EXOC4: variants seen among roughly 807,000 people sequenced by gnomAD.
EXOC4 encodes exocyst complex component 4.
Under a neutral mutation model 107.2 loss-of-function variants are expected in EXOC4, and 71 were observed. That is an observed-to-expected ratio of 0.66 (90% CI 0.55 to 0.81). The LOEUF (loss-of-function observed/expected upper bound fraction) is 0.81. Among genes scored for constraint, EXOC4 ranks in the 30% least tolerant of loss-of-function variants. The pLI, the probability that EXOC4 is intolerant of heterozygous loss-of-function variation, is 0.00. For missense variants in EXOC4, 1,108 were observed against 1,189.6 expected (o/e 0.93, Z 1.01); for synonymous variants, 456 against 441.2 (o/e 1.03, Z -0.42).
intron 9 of EXOC4, among the ~76,000 whole-genome samples, chr7:133,604,899 A>G (rs545604090): frequency 9.7e-4 from 144 of 148,866 alleles, no homozygotes; most frequent in Non-Finnish European, 1.6e-3. Flanking sequence ...AATATTTTTT[A>G]TTTTTCGTGG....
intron 11 of EXOC4, among the ~76,000 whole-genome samples, chr7:133,825,507 C>T (rs995768408): frequency 1.3e-5 from 2 of 152,182 alleles, no homozygotes; most frequent in African/African-American, 4.8e-5. Flanking sequence ...AGTTGGTGGA[C>T]ACAGCTACTT....
intron 14 of EXOC4, among the ~76,000 whole-genome samples, chr7:133,968,306 G>A (rs935736036): frequency 6.6e-6 from 1 of 152,176 alleles, no homozygotes; most frequent in Admixed American, 6.5e-5. Context: ...TTGCCAGTCT[G>A]TGTCTTTTAA....
intron 10 of EXOC4, among the ~76,000 whole-genome samples, chr7:133,736,520 TA>T (rs1320485493): frequency 6.6e-6 from 1 of 152,218 alleles, no homozygotes; most frequent in African/African-American, 2.4e-5. Flanking sequence ...ATCAGTATAA[TA>T]CCTCCTAAAG....
intron 11 of EXOC4, among the ~76,000 whole-genome samples, chr7:133,850,699 C>T (rs928415975): frequency 6.9e-4 from 105 of 151,246 alleles, no homozygotes; most frequent in Admixed American, 6.6e-3. Flanking sequence ...GATGGTCATC[C>T]GGCCTCTGCT....
At chr7:134,022,111 T>G (rs1795043691) in intron 17 of EXOC4, among the ~76,000 whole-genome samples, 2 of 147,914 alleles carry the variant, frequency 1.4e-5, no homozygotes, top group Admixed American at 1.3e-4. Context: ...GTGAAAAACA[T>G]AAAGTAATTA....
chr7:133,627,722 A>C (rs1802490870), intron 9 of EXOC4, among the ~76,000 whole-genome samples: 1 of 152,220 alleles, frequency 6.6e-6, no homozygotes, highest in South Asian at 2.1e-4. Context: ...TTAACTCAGC[A>C]AAACTTAGCA....
At chr7:133,806,354 G>A (rs956166585) in intron 10 of EXOC4, among the ~76,000 whole-genome samples, 1 of 152,156 alleles carries the variant, frequency 6.6e-6, no homozygotes, top group Non-Finnish European at 1.5e-5. Flanking sequence ...GAGTGCAGCA[G>A]CGAAGAGCTC....
chr7:134,096,037 G>GA, the EXOC4 span, among the ~76,000 whole-genome samples: 3,392 of 152,270 alleles, frequency 0.022, 117 homozygotes, highest in African/African-American at 0.071. Flanking sequence ...CAGAATGGGA[G>GA]AAAATATTTG....
chr7:133,805,683 G>T (rs1797058768), intron 10 of EXOC4, among the ~76,000 whole-genome samples: 1 of 152,162 alleles, frequency 6.6e-6, no homozygotes, highest in Non-Finnish European at 1.5e-5. Context: ...GAGATAGGGG[G>T]ACAGTGTTCT....
At chr7:133,274,910 T>G (rs1425845047) in intron 1 of EXOC4, 72 bp from the exon 2 acceptor site, 1 of 1,250,348 alleles carries the variant, frequency 8.0e-7, no homozygotes, top group African/African-American at 1.5e-5. Context: ...GCATTTTACT[T>G]TCTGCTTCAC....
chr7:133,680,542 G>A (rs1449422336), intron 10 of EXOC4, among the ~76,000 whole-genome samples: 1 of 152,090 alleles, frequency 6.6e-6, no homozygotes, highest in Non-Finnish European at 1.5e-5. Context: ...CAGAGTCTCA[G>A]GAATACTGAC....
At position 133,599,606 on chromosome 7, in the gene EXOC4, C is replaced by T. The variant is rs111992561; in HGVS notation, c.1418-30439C>T. ...ACAGTTACCAAATTAGCCTTTCAGA[C>T]AATAATTTCCATAGCTAGATGGACC... On this transcript the variant is annotated intron_variant, in intron 9 of 17. Transcript: ENST00000253861. 1.6e-3 allele frequency among the ~76,000 whole-genome samples: 247 copies of T among 152,268 alleles called. 1 individual carries two copies. The highest frequency in any genetic ancestry group is 5.8e-3 in the African/African-American group (241 of 41,554).
intron 9 of EXOC4, among the ~76,000 whole-genome samples, chr7:133,553,071 A>G (rs1800622380): frequency 6.6e-6 from 1 of 152,164 alleles, no homozygotes; most frequent in Non-Finnish European, 1.5e-5. Flanking sequence ...GACACTGGGC[A>G]ACTTACAATA....
At chr7:133,547,178 T>A (rs1197867799) in intron 9 of EXOC4, among the ~76,000 whole-genome samples, 2 of 152,206 alleles carry the variant, frequency 1.3e-5, no homozygotes, top group Non-Finnish European at 2.9e-5. Context: ...GCAAGCCACA[T>A]GAATTTTTTA....
chr7:133,898,573 G>A (rs1374628336), intron 12 of EXOC4, among the ~76,000 whole-genome samples: 5 of 151,776 alleles, frequency 3.3e-5, no homozygotes, highest in East Asian at 1.9e-4. Flanking sequence ...GTGAAACCCC[G>A]TCTCTACTAA....
chr7:133,517,303 G>A (rs182375816), intron 9 of EXOC4, among the ~76,000 whole-genome samples: 81 of 152,166 alleles, frequency 5.3e-4, no homozygotes, highest in African/African-American at 1.9e-3. Flanking sequence ...TCAAGGAAAA[G>A]GTAGTACCTG....
chr7:133,530,178 T>C (rs1261783325), intron 9 of EXOC4, among the ~76,000 whole-genome samples: 1 of 152,190 alleles, frequency 6.6e-6, no homozygotes, highest in Non-Finnish European at 1.5e-5. Context: ...GTGGAAGTCG[T>C]GTGACATAGT....
chr7:133,280,655 T>C (rs1349852838), intron 2 of EXOC4, among the ~76,000 whole-genome samples: 1 of 152,144 alleles, frequency 6.6e-6, no homozygotes, highest in African/African-American at 2.4e-5. Flanking sequence ...GAAATAAGGG[T>C]ACACGATTAT....
chr7:133,306,077 T>TCCACCATCTTTCCGTGCCACCCTAATG lies in EXOC4; in HGVS notation c.656+16_656+17insCCACCATCTTTCCGTGCCACCCTAATG. 1 of 1,595,496 alleles carries TCCACCATCTTTCCGTGCCACCCTAATG rather than the reference T, an allele frequency of 6.3e-7. No individual in the cohort carries two copies. The highest frequency in any genetic ancestry group is 1.1e-5 in the South Asian group (1 of 88,826). On this transcript the variant is annotated intron_variant, in intron 4 of 17. Transcript: ENST00000253861. ...GGAAAATCAGGTTAAAGAGGCTCTTTGCTATAAGTGTCTTGTGGCAGTGTA... is the reference window on the plus strand; with the variant it reads ...GGAAAATCAGGTTAAAGAGGCTCTTTCCACCATCTTTCCGTGCCACCCTAATGGCTATAAGTGTCTTGTGGCAGTGTA...
Sources: allele counts gnomAD v4.1 joint callset (sites outside exome capture counted in the v4.1 genomes callset), GRCh38; gene constraint gnomAD v4.1.1; transcripts MANE v1.5; gene names NCBI Gene and HGNC (gene_info 2026-07-23, HGNC 2026-07-21).